Variants in XKR4 observed in about 807,000 individuals in gnomAD.
The protein encoded by XKR4 is XK related 4, also known as XK-related protein 4.
In XKR4, 12 loss-of-function variants were observed where a neutral mutation model predicts 53.9. The ratio of observed to expected loss-of-function variants is 0.22; its 90% CI spans 0.14 to 0.36. The LOEUF is 0.36. XKR4 is among the 10% of genes least tolerant of loss of function. XKR4 has a pLI of 1.00. For synonymous variants in XKR4, 354 were observed against 362.4 expected, an observed-to-expected ratio of 0.98 and a Z score of 0.26; for missense variants, 799 against 859.5, an observed-to-expected ratio of 0.93 and a Z score of 0.88.
At chr8:55,298,762 A>G (rs1183472819) in intron 1 of XKR4, among the ~76,000 whole-genome samples, 1 of 152,162 alleles carries the variant, frequency 6.6e-6, no homozygotes, top group Non-Finnish European at 1.5e-5. Flanking sequence ...ATGCACACAC[A>G]TGTATATGTA....
In XKR4 at chr8:55,541,016, C is replaced by G. The variant is rs182735605; in HGVS notation, c.*16789C>G. 1 of 152,264 alleles carries G rather than the reference C, an allele frequency of 6.6e-6. No homozygotes were observed. Among genetic ancestry groups the G allele is most frequent in the Non-Finnish European group, 1.5e-5 (1 of 68,012 alleles). The allele number at this position is 152,264 out of a possible 1,614,324, so 9.4% of individuals were successfully genotyped here. On this transcript the variant is annotated 3_prime_UTR_variant, in exon 3 of 3. Coordinates refer to ENST00000327381, the MANE Select transcript of XKR4 (RefSeq NM_052898.2). ...TCGTGCTTAGCATGAAACCATTGCA[C>G]AATATAAACCTGCTCCCAAATGGCA...
intron 2 of XKR4, chr8:55,455,097 G>A (rs1038550818): frequency 6.0e-6 from 4 of 665,392 alleles, no homozygotes; most frequent in Non-Finnish European, 1.1e-5. Context: ...CGCGGGTGCG[G>A]CCTGAATGCC....
intron 2 of XKR4, among the ~76,000 whole-genome samples, chr8:55,422,454 A>G (rs1276348643): frequency 6.6e-6 from 1 of 152,218 alleles, no homozygotes; most frequent in African/African-American, 2.4e-5. Flanking sequence ...CAAACAGTAG[A>G]GGATTTGATT....
intron 1 of XKR4, among the ~76,000 whole-genome samples, chr8:55,150,991 T>C (rs1489264181): frequency 6.6e-6 from 1 of 152,228 alleles, no homozygotes; most frequent in East Asian, 1.9e-4. Flanking sequence ...CAAGGTATGA[T>C]TGGTTGGAAA....
At chr8:55,164,203 C>T (rs1441576571) in intron 1 of XKR4, 1 of 456,660 alleles carries the variant, frequency 2.2e-6, no homozygotes, top group South Asian at 1.5e-5. Context: ...TCCGCCGCCT[C>T]CCCACAGCAC....
intron 1 of XKR4, among the ~76,000 whole-genome samples, chr8:55,316,321 G>T (rs556668122): frequency 6.6e-6 from 1 of 152,116 alleles, no homozygotes; most frequent in Admixed American, 6.5e-5. Context: ...AGTCACATCC[G>T]ATCTCCAGCC....
chr8:55,142,968 T>C (rs1488726828), intron 1 of XKR4, among the ~76,000 whole-genome samples: 1 of 152,188 alleles, frequency 6.6e-6, no homozygotes, highest in Non-Finnish European at 1.5e-5. Flanking sequence ...TGGCTTCTAA[T>C]ACTCTGAATT....
intron 1 of XKR4, among the ~76,000 whole-genome samples, chr8:55,301,699 G>T (rs1482777389): frequency 6.6e-6 from 1 of 152,152 alleles, no homozygotes; most frequent in East Asian, 1.9e-4. Flanking sequence ...TAACTGGTGT[G>T]AGATGGTATC....
chr8:55,437,072 C>T (rs2129394309), intron 2 of XKR4, among the ~76,000 whole-genome samples: 1 of 152,236 alleles, frequency 6.6e-6, no homozygotes, highest in East Asian at 1.9e-4. Context: ...TCATAGTAAA[C>T]TAATTTTTAA....
At chr8:55,174,901 T>C (rs1308819473) in intron 1 of XKR4, among the ~76,000 whole-genome samples, 1 of 152,180 alleles carries the variant, frequency 6.6e-6, no homozygotes, top group Non-Finnish European at 1.5e-5. Context: ...GGCCTGTTTG[T>C]CTCAGGTTGC....
intron 2 of XKR4, among the ~76,000 whole-genome samples, chr8:55,364,636 T>TA (rs202113511): frequency 2.7e-5 from 4 of 150,582 alleles, no homozygotes; most frequent in Non-Finnish European, 5.9e-5. Flanking sequence ...TTTGTTGGGG[T>TA]TTTTTTTGTT....
intron 1 of XKR4, among the ~76,000 whole-genome samples, chr8:55,337,210 A>G (rs1409610972): frequency 6.6e-6 from 1 of 152,052 alleles, no homozygotes; most frequent in East Asian, 1.9e-4. Context: ...TACTACCAAA[A>G]TTTGCCTTTT....
At chr8:55,362,312 A>G (rs1585538675) in intron 2 of XKR4, among the ~76,000 whole-genome samples, 1 of 152,160 alleles carries the variant, frequency 6.6e-6, no homozygotes, top group Admixed American at 6.5e-5. Context: ...TGAACCCTGA[A>G]TTAAGGGGTG....
At position 55,530,210 on chromosome 8, in the gene XKR4, GAT is replaced by G. The variant is rs1806932315; in HGVS notation, c.*5984_*5985del. The G allele has an allele frequency of 6.9e-6, 1 of 145,460 alleles. No individual in the cohort carries two copies. Among genetic ancestry groups the G allele is most frequent in the African/African-American group, 2.5e-5 (1 of 39,236 alleles). 9.0% of individuals were successfully genotyped at this position (145,460 alleles called of 1,614,324 possible). ...AAGGAAGGAAGGAAGGAAGGAAGGA[GAT>G]TTAACAAGTCTTTGAAGTGATATTT... On this transcript the variant is annotated 3_prime_UTR_variant, in exon 3 of 3. Transcript: ENST00000327381.
intron 1 of XKR4, among the ~76,000 whole-genome samples, chr8:55,260,385 T>C (rs1164226669): frequency 6.6e-6 from 1 of 152,222 alleles, no homozygotes; most frequent in African/African-American, 2.4e-5. Flanking sequence ...AGGTATTGAA[T>C]TGATTTCTAT....
At chr8:55,435,316 G>T (rs1395907725) in intron 2 of XKR4, among the ~76,000 whole-genome samples, 1 of 152,042 alleles carries the variant, frequency 6.6e-6, no homozygotes, top group Admixed American at 6.5e-5. Context: ...TCTTCCCTTA[G>T]AATTGAGTAC....
intron 2 of XKR4, chr8:55,452,377 T>C (rs1805463208): frequency 3.2e-6 from 2 of 630,590 alleles, no homozygotes; most frequent in Non-Finnish European, 5.8e-6. Flanking sequence ...CCCGTGAAGA[T>C]GACCCGGTAC....
intron 1 of XKR4, among the ~76,000 whole-genome samples, chr8:55,311,517 G>T (rs185822676): frequency 6.6e-6 from 1 of 152,186 alleles, no homozygotes; most frequent in African/African-American, 2.4e-5. Flanking sequence ...GCTAGAAGGT[G>T]AGGGGAACCC....
intron 1 of XKR4, among the ~76,000 whole-genome samples, chr8:55,268,978 G>C (rs1231846220): frequency 6.6e-6 from 1 of 152,152 alleles, no homozygotes; most frequent in Non-Finnish European, 1.5e-5. Flanking sequence ...ACCTTAAACA[G>C]GATTCTGGAA....
Sources: gnomAD v4.1 joint callset for allele counts (sites outside exome capture counted in the v4.1 genomes callset) on GRCh38, gnomAD v4.1.1 for gene constraint, MANE v1.5 for transcripts, NCBI Gene and HGNC (gene_info 2026-07-23, HGNC 2026-07-21) for gene names.